Variants in TFDP1 observed in about 807,000 individuals in gnomAD.
The protein encoded by TFDP1 is DRTF1-polypeptide 1.
Under a neutral mutation model 48.0 loss-of-function variants are expected in TFDP1, and 6 were observed. The ratio of observed to expected loss-of-function variants is 0.13; its 90% CI spans 0.07 to 0.25. The LOEUF is 0.25. TFDP1 is among the 10% of genes least tolerant of loss of function. The probability of loss-of-function intolerance (pLI) is 1.00; values close to 1 mark genes in which losing one functional copy is unlikely to be tolerated. For synonymous variants in TFDP1, 201 were observed against 211.6 expected (o/e 0.95, Z 0.44); for missense variants, 335 against 543.0 (o/e 0.62, Z 3.81).
chr13:113,601,276 G>A (rs941202452), intron 2 of TFDP1, among the ~76,000 whole-genome samples: 1 of 145,624 alleles, frequency 6.9e-6, no homozygotes, highest in Admixed American at 6.9e-5. Flanking sequence ...AGCCTGTCCC[G>A]GGCGGCCCTG....
chr13:113,622,475 C>T (rs1442476367), intron 3 of TFDP1, among the ~76,000 whole-genome samples: 1 of 152,224 alleles, frequency 6.6e-6, no homozygotes, highest in Non-Finnish European at 1.5e-5. Context: ...GTGCTCGCTA[C>T]CACCTGGTTT....
chr13:113,613,571 A>AGT (rs201120955), intron 3 of TFDP1, among the ~76,000 whole-genome samples: 6 of 128,236 alleles, frequency 4.7e-5, no homozygotes, highest in Non-Finnish European at 4.8e-5. Context: ...TGTGCATACG[A>AGT]GTGTGTGTGT....
intron 2 of TFDP1, among the ~76,000 whole-genome samples, chr13:113,596,993 A>C (rs1594418304): frequency 6.6e-6 from 1 of 151,966 alleles, no homozygotes; most frequent in Non-Finnish European, 1.5e-5. Flanking sequence ...CAAACCCCGC[A>C]CCTGAGTCTG....
chr13:113,622,193 A>G (rs2049011366), intron 3 of TFDP1, among the ~76,000 whole-genome samples: 1 of 152,240 alleles, frequency 6.6e-6, no homozygotes, highest in Admixed American at 6.5e-5. Flanking sequence ...GCAGCCTGGC[A>G]TTCGGGGCCA....
Position 113,635,966 on chromosome 13 carries a change from A to AT in TFDP1, c.688-3dup, listed in dbSNP as rs756962621. 88 of 1,610,562 alleles carry AT rather than the reference A, an allele frequency of 5.5e-5. No individual in the cohort carries two copies. Among genetic ancestry groups the AT allele is most frequent in the African/African-American group, 1.6e-4 (12 of 74,640 alleles). On this transcript the variant is annotated splice_polypyrimidine_tract_variant and intron_variant, in intron 8 of 11. Coordinates refer to ENST00000375370, the MANE Select transcript of TFDP1 (RefSeq NM_007111.5). The stretch of plus-strand genomic sequence containing the variant: ...CGCCACGGGCCACCTGGCTCCTCTT[A>AT]TTTTTTTTAGCAAATTGCCTTCAAG...
intron 3 of TFDP1, among the ~76,000 whole-genome samples, chr13:113,620,981 C>T (rs894999604): frequency 6.6e-6 from 1 of 152,282 alleles, no homozygotes; most frequent in African/African-American, 2.4e-5. Context: ...ACTAAGTGTC[C>T]TTATGTAGCA....
Position 113,623,397 on chromosome 13 carries a change from A to G in TFDP1, c.186+111A>G. Reference sequence around the variant, plus strand: ...GTGCCTGGATTTGGGCTCCAGTTGCAGCATGGGGCCTTTCCCTCATCAGGG... The same window carrying G: ...GTGCCTGGATTTGGGCTCCAGTTGCGGCATGGGGCCTTTCCCTCATCAGGG... On this transcript the variant is annotated intron_variant, in intron 4 of 11. Coordinates refer to ENST00000375370, the MANE Select transcript of TFDP1 (RefSeq NM_007111.5). The surrounding 1 kb of genome is among the most constrained non-coding windows in gnomAD (Gnocchi z 5.2). 2.0e-6 allele frequency: 2 copies of G among 992,160 alleles called. No homozygotes were observed. Among genetic ancestry groups the G allele is most frequent in the Non-Finnish European group, 3.0e-6 (2 of 666,942 alleles). 61.5% of individuals were successfully genotyped at this position (992,160 alleles called of 1,614,324 possible).
chr13:113,600,104 A>G (rs369495783), intron 2 of TFDP1, among the ~76,000 whole-genome samples: 4 of 138,058 alleles, frequency 2.9e-5, no homozygotes, highest in Admixed American at 7.2e-5. Flanking sequence ...ATGAGAGAGA[A>G]CCCAGGACCG....
At chr13:113,621,774 T>C (rs1185102295) in intron 3 of TFDP1, among the ~76,000 whole-genome samples, 1 of 152,214 alleles carries the variant, frequency 6.6e-6, no homozygotes, top group Non-Finnish European at 1.5e-5. Context: ...CAGCGGCTAC[T>C]TAGCAGACCG....
chr13:113,620,134 T>G (rs2048962162), intron 3 of TFDP1, among the ~76,000 whole-genome samples: 1 of 152,068 alleles, frequency 6.6e-6, no homozygotes, highest in Non-Finnish European at 1.5e-5. Context: ...GGACAGATGG[T>G]GTAGGCAGGC....
Position 113,598,855 on chromosome 13 carries a change from C to T in TFDP1, c.13-12141C>T, listed in dbSNP as rs2048345205. ...TGTTGGGCACCACCCTCGCCTGCAG[C>T]TCATCACCTCTGGATGGATCTTGTT... On this transcript the variant is annotated intron_variant, in intron 2 of 11. Coordinates refer to ENST00000375370, the MANE Select transcript of TFDP1 (RefSeq NM_007111.5). The surrounding 1 kb of genome is among the most constrained non-coding windows in gnomAD (Gnocchi z 4.2). 1.3e-5 allele frequency among the ~76,000 whole-genome samples: 2 copies of T among 152,240 alleles called. No individual in the cohort carries two copies. Among genetic ancestry groups the T allele is most frequent in the African/African-American group, 4.8e-5 (2 of 41,460 alleles).
chr13:113,614,425 G>A (rs56676799), intron 3 of TFDP1, among the ~76,000 whole-genome samples: 10,401 of 152,186 alleles, frequency 0.068, 435 homozygotes, highest in African/African-American at 0.088. Flanking sequence ...AGTTGCCCTC[G>A]GCGGTGCCAG....
rs1290997687 is a variant in TFDP1 at position 113,607,468 on chromosome 13, A to G, written c.13-3528A>G. On this transcript the variant is annotated intron_variant, in intron 2 of 11. Coordinates refer to ENST00000375370, the MANE Select transcript of TFDP1 (RefSeq NM_007111.5). The surrounding 1 kb of genome is among the most constrained non-coding windows in gnomAD (Gnocchi z 5.2). The stretch of plus-strand genomic sequence containing the variant: ...GAGCAAAATGATGCTTGTGGCAGAC[A>G]CAGTTGGAACCACAGACGATGCCAC... Among the ~76,000 whole-genome samples the G allele has an allele frequency of 6.6e-6, 1 of 152,240 alleles. No individual in the cohort carries two copies. Among genetic ancestry groups the G allele is most frequent in the Admixed American group, 6.5e-5 (1 of 15,292 alleles).
chr13:113,617,920 T>C (rs2048903372), intron 3 of TFDP1, among the ~76,000 whole-genome samples: 1 of 152,272 alleles, frequency 6.6e-6, no homozygotes, highest in South Asian at 2.1e-4. Flanking sequence ...AGACTCCTTT[T>C]TCTGTTAATG....
At chr13:113,591,009 CAAAAAAAAAA>C (rs71101595) in intron 2 of TFDP1, among the ~76,000 whole-genome samples, 4 of 59,858 alleles carry the variant, frequency 6.7e-5, no homozygotes, top group Non-Finnish European at 3.0e-5. Flanking sequence ...GACTCTGTCT[CAAAAAAAAAA>C]AAAAAAAAAA....
chr13:113,616,161 C>T (rs908632825), intron 3 of TFDP1, among the ~76,000 whole-genome samples: 15 of 150,978 alleles, frequency 9.9e-5, no homozygotes, highest in South Asian at 2.1e-4. Flanking sequence ...TGAGATTGCT[C>T]CACTGCACTC....
At chr13:113,609,653 G>A (rs1277768902) in intron 2 of TFDP1, among the ~76,000 whole-genome samples, 8 of 151,818 alleles carry the variant, frequency 5.3e-5, no homozygotes, top group South Asian at 2.1e-4. Context: ...GGGTCTTGGC[G>A]TCTCCTTGTT....
intron 2 of TFDP1, among the ~76,000 whole-genome samples, chr13:113,601,032 T>A (rs956824200): frequency 6.6e-6 from 1 of 152,196 alleles, no homozygotes; most frequent in Non-Finnish European, 1.5e-5. Flanking sequence ...AGCGTGTTTG[T>A]GAGATGAGCC....
intron 4 of TFDP1, among the ~76,000 whole-genome samples, chr13:113,625,185 C>T (rs1020861538): frequency 1.5e-5 from 2 of 137,798 alleles, no homozygotes; most frequent in African/African-American, 5.7e-5. Flanking sequence ...CACGTGTCCT[C>T]AGGTGTCTCT....
Sources: gnomAD v4.1 joint callset for allele counts (sites outside exome capture counted in the v4.1 genomes callset) on GRCh38, gnomAD v4.1.1 for gene constraint, Gnocchi (gnomAD v3.1) non-coding constraint, MANE v1.5 for transcripts, NCBI Gene and HGNC (gene_info 2026-07-23, HGNC 2026-07-21) for gene names.